Variants in RSF1 observed in about 807,000 individuals in gnomAD.
RSF1 encodes HBV pX-associated protein 8.
Under a neutral mutation model 145.2 loss-of-function variants are expected in RSF1, and 13 were observed. The ratio of observed to expected loss-of-function variants is 0.09; its 90% CI spans 0.06 to 0.14. RSF1 has a LOEUF of 0.14. Ranked by LOEUF, RSF1 falls within the 10% of genes least tolerant of loss-of-function variation. The pLI is 1.00. For synonymous variants in RSF1, 577 were observed against 592.6 expected, an observed-to-expected ratio of 0.97 and a Z score of 0.38; for missense variants, 1,517 against 1,718.2, an observed-to-expected ratio of 0.88 and a Z score of 2.07.
intron 5 of RSF1, among the ~76,000 whole-genome samples, chr11:77,713,625 T>C (rs2135870342): frequency 6.6e-6 from 1 of 152,376 alleles, no homozygotes; most frequent in African/African-American, 2.4e-5. Flanking sequence ...TGTGGACACC[T>C]ATCTCTTGGA....
chr11:77,682,563 C>T (rs1959892107), intron 11 of RSF1, among the ~76,000 whole-genome samples: 1 of 152,162 alleles, frequency 6.6e-6, no homozygotes, highest in African/African-American at 2.4e-5. Context: ...TCTCTGGTAT[C>T]TTTGGTGTTA....
At chr11:77,700,095 G>A (rs1000474931) in intron 6 of RSF1, among the ~76,000 whole-genome samples, 1 of 152,114 alleles carries the variant, frequency 6.6e-6, no homozygotes, top group South Asian at 2.1e-4. Context: ...GCTCACGCCT[G>A]TAATCCCAGC....
At position 77,779,497 on chromosome 11, in the gene RSF1, C is replaced by T. The variant is rs1013617679; in HGVS notation, c.188-14808G>A. Among the ~76,000 whole-genome samples the T allele has an allele frequency of 1.7e-4, 26 of 152,186 alleles. No individual in the cohort carries two copies. In the East Asian group the frequency reaches 4.1e-3, roughly 24 times the overall value. ...TCCTGGGTTCAAGCCATTCTCCTGC[C>T]TCAGCCTCCCAAGTAGCTGGGATTA... On this transcript the variant is annotated intron_variant, in intron 1 of 15. Transcript: ENST00000308488.
chr11:77,861,671 A>G, the RSF1 span, among the ~76,000 whole-genome samples: 7 of 152,278 alleles, frequency 4.6e-5, no homozygotes, highest in Admixed American at 3.3e-4. Context: ...AATCTTTTTT[A>G]AAGTGTCCTT....
chr11:77,834,441 G>GTTTTTTTTTTT, the RSF1 span, among the ~76,000 whole-genome samples: 6 of 105,526 alleles, frequency 5.7e-5, no homozygotes, highest in Non-Finnish European at 9.3e-5. Context: ...AGTTGATTTT[G>GTTTTTTTTTTT]TTTTTTTTTT....
In RSF1 at chr11:77,663,398, A is replaced by G. The variant is rs186297078; in HGVS notation, c.*3519T>C. 1 of 152,346 alleles carries G rather than the reference A, an allele frequency of 6.6e-6. No homozygotes were observed. Among genetic ancestry groups the G allele is most frequent in the African/African-American group, 2.4e-5 (1 of 41,588 alleles). 9.4% of individuals were successfully genotyped at this position (152,346 alleles called of 1,614,324 possible). A position where few individuals can be genotyped will look rare whatever the true frequency, so the allele number is the denominator to read the frequency against. ...AAATGTATATTATAGGATGGGTTTC[A>G]TCAACTAAAAAGTAAAAACTGGGTA... On this transcript the variant is annotated 3_prime_UTR_variant, in exon 16 of 16. Transcript: ENST00000308488.
chr11:77,851,716 C>G, the RSF1 span, among the ~76,000 whole-genome samples: 5 of 152,030 alleles, frequency 3.3e-5, no homozygotes, highest in Admixed American at 2.6e-4. Flanking sequence ...TATGACATGC[C>G]TACTCCCACT....
chr11:77,711,395 T>A (rs545309785), intron 5 of RSF1, among the ~76,000 whole-genome samples: 4 of 152,224 alleles, frequency 2.6e-5, no homozygotes, highest in African/African-American at 9.6e-5. Context: ...TGTGGCCAGG[T>A]GCAGTGGCTC....
At chr11:77,695,512 G>C (rs1960258903) in intron 7 of RSF1, among the ~76,000 whole-genome samples, 1 of 151,896 alleles carries the variant, frequency 6.6e-6, no homozygotes, top group Non-Finnish European at 1.5e-5. Context: ...TTTGTTGTTG[G>C]AACTGTTCCA....
chr11:77,850,209 T>A, the RSF1 span, among the ~76,000 whole-genome samples: 1,243 of 152,290 alleles, frequency 8.2e-3, 13 homozygotes, highest in African/African-American at 0.027. Flanking sequence ...GATTACAGAA[T>A]GGAAACGTAA....
chr11:77,846,058 G>A, the RSF1 span, among the ~76,000 whole-genome samples: 120 of 151,436 alleles, frequency 7.9e-4, 1 homozygote, highest in African/African-American at 2.8e-3. Context: ...TGGCAACACC[G>A]GAAATCAACT....
intron 4 of RSF1, among the ~76,000 whole-genome samples, chr11:77,737,422 T>C (rs1290349918): frequency 1.3e-5 from 2 of 150,476 alleles, no homozygotes; most frequent in East Asian, 3.9e-4. Flanking sequence ...CACTCCACAC[T>C]GCAGCCTGGG....
intron 2 of RSF1, among the ~76,000 whole-genome samples, chr11:77,753,281 A>G (rs990437790): frequency 3.3e-5 from 5 of 152,212 alleles, no homozygotes; most frequent in African/African-American, 1.2e-4. Flanking sequence ...AAATTATACT[A>G]GCGAAAAAAT....
intron 1 of RSF1, among the ~76,000 whole-genome samples, chr11:77,801,619 G>GT (rs879836681): frequency 2.2e-4 from 34 of 151,834 alleles, no homozygotes; most frequent in Non-Finnish European, 4.7e-4. Flanking sequence ...GGTAACATGC[G>GT]TGTCTACACA....
the RSF1 span, among the ~76,000 whole-genome samples, chr11:77,828,342 ATATT>A: frequency 1.3e-5 from 2 of 152,016 alleles, no homozygotes; most frequent in African/African-American, 4.8e-5. Context: ...GAATCAGAAA[ATATT>A]TAGAGATTTC....
At chr11:77,833,047 T>G in the RSF1 span, among the ~76,000 whole-genome samples, 2 of 141,420 alleles carry the variant, frequency 1.4e-5, no homozygotes, top group Non-Finnish European at 3.0e-5. Flanking sequence ...GGTCTCATTC[T>G]GTCACCCAGG....
intron 1 of RSF1, 139 bp downstream of exon 1, chr11:77,820,389 C>T: frequency 1.1e-6 from 1 of 929,370 alleles, no homozygotes; most frequent in Non-Finnish European, 1.6e-6. Flanking sequence ...CGGAGAAGAC[C>T]AGCCCGGCGG....
At chr11:77,868,164 T>C in the RSF1 span, among the ~76,000 whole-genome samples, 1 of 150,730 alleles carries the variant, frequency 6.6e-6, no homozygotes, top group Non-Finnish European at 1.5e-5. Flanking sequence ...CACGCCATTC[T>C]CCTGCCTCAG....
At chr11:77,857,108 G>A in the RSF1 span, among the ~76,000 whole-genome samples, 4 of 152,120 alleles carry the variant, frequency 2.6e-5, no homozygotes, top group South Asian at 2.1e-4. Flanking sequence ...GCTTACTGGC[G>A]TTGTCTTTAA....
Sources: allele counts gnomAD v4.1 joint callset (sites outside exome capture counted in the v4.1 genomes callset), GRCh38; gene constraint gnomAD v4.1.1; transcripts MANE v1.5; gene names NCBI Gene and HGNC (gene_info 2026-07-23, HGNC 2026-07-21).